PDE1C: variants seen among roughly 807,000 people sequenced by gnomAD.
The protein encoded by PDE1C is phosphodiesterase 1C.
PDE1C carries 62 observed loss-of-function variants against 93.1 expected under a neutral mutation model. The ratio of observed to expected loss-of-function variants is 0.67; its 90% CI spans 0.54 to 0.82. PDE1C has a LOEUF of 0.82. Ranked by LOEUF, PDE1C falls within the 40% of genes least tolerant of loss-of-function variation. The probability of loss-of-function intolerance (pLI) is 0.00; values close to 1 mark genes in which losing one functional copy is unlikely to be tolerated. For synonymous variants in PDE1C, 325 were observed against 310.1 expected (o/e 1.05, Z -0.50); for missense variants, 742 against 884.6 (o/e 0.84, Z 2.04).
intron 1 of PDE1C, among the ~76,000 whole-genome samples, chr7:32,347,923 AGTT>A (rs1273741068): frequency 3.9e-5 from 6 of 152,224 alleles, no homozygotes; most frequent in Non-Finnish European, 7.3e-5. Context: ...CAATAAATGT[AGTT>A]GTTTTAAACA....
the PDE1C span, among the ~76,000 whole-genome samples, chr7:31,716,954 G>A: frequency 7.7e-4 from 117 of 152,212 alleles, no homozygotes; most frequent in African/African-American, 2.8e-3. Context: ...TGAATTTGTC[G>A]AGAGGAAGCA....
At chr7:31,963,815 G>T (rs1424086301) in intron 2 of PDE1C, among the ~76,000 whole-genome samples, 5 of 152,194 alleles carry the variant, frequency 3.3e-5, no homozygotes, top group African/African-American at 4.8e-5. Flanking sequence ...GGTTATGAAA[G>T]AATTTTATAA....
At chr7:31,831,168 T>C (rs984680144) in intron 11 of PDE1C, among the ~76,000 whole-genome samples, 1 of 152,214 alleles carries the variant, frequency 6.6e-6, no homozygotes, top group Non-Finnish European at 1.5e-5. Flanking sequence ...CACAGCAATG[T>C]ATATTCTTCT....
At chr7:32,140,966 TA>T (rs1800489128) in intron 3 of PDE1C, among the ~76,000 whole-genome samples, 1 of 152,234 alleles carries the variant, frequency 6.6e-6, no homozygotes, top group African/African-American at 2.4e-5. Context: ...ACCTGTGGAA[TA>T]AAAATTTCTA....
chr7:31,702,200 C>CTTAT, the PDE1C span, among the ~76,000 whole-genome samples: 4,335 of 126,762 alleles, frequency 0.034, 232 homozygotes, highest in African/African-American at 0.13. Context: ...GCTTTTCACC[C>CTTAT]TTATTTATTT....
the PDE1C span, among the ~76,000 whole-genome samples, chr7:31,730,523 T>C: frequency 3.3e-5 from 5 of 152,174 alleles, no homozygotes; most frequent in Non-Finnish European, 7.4e-5. Context: ...ATCTGAGAAT[T>C]GCCCCTGTGC....
chr7:32,404,182 G>T (rs1369781844), intron 1 of PDE1C, among the ~76,000 whole-genome samples: 1 of 152,172 alleles, frequency 6.6e-6, no homozygotes, highest in Non-Finnish European at 1.5e-5. Context: ...AATGGGAATT[G>T]CCATGGTGGT....
the PDE1C span, chr7:31,651,349 G>A: frequency 5.5e-6 from 8 of 1,451,166 alleles, no homozygotes; most frequent in Non-Finnish European, 6.4e-6. Context: ...CAGAACAGAG[G>A]AGCACCCTGG....
the PDE1C span, among the ~76,000 whole-genome samples, chr7:31,745,896 T>G: frequency 6.6e-6 from 1 of 152,196 alleles, no homozygotes; most frequent in Non-Finnish European, 1.5e-5. Flanking sequence ...TTGCACTCAT[T>G]TGATCTCTTT....
intron 2 of PDE1C, among the ~76,000 whole-genome samples, chr7:31,914,018 T>C (rs1264316656): frequency 1.3e-5 from 2 of 152,202 alleles, no homozygotes; most frequent in African/African-American, 2.4e-5. Context: ...TGACATGCCA[T>C]ACAGTTAATC....
chr7:31,739,022 A>C, the PDE1C span, among the ~76,000 whole-genome samples: 1 of 130,366 alleles, frequency 7.7e-6, no homozygotes, highest in Non-Finnish European at 1.6e-5. Context: ...CCACATATAC[A>C]TATGCATGTA....
chr7:31,867,145 A>C (rs926662704), intron 6 of PDE1C, among the ~76,000 whole-genome samples: 1 of 152,058 alleles, frequency 6.6e-6, no homozygotes. Context: ...CCAGGGATGA[A>C]GTATGAACCA....
At chr7:32,181,062 G>C (rs1351442101) in intron 2 of PDE1C, among the ~76,000 whole-genome samples, 1 of 152,100 alleles carries the variant, frequency 6.6e-6, no homozygotes, top group Non-Finnish European at 1.5e-5. Flanking sequence ...TCTTGTATAG[G>C]TCTTAAAGGG....
At chr7:31,816,276 T>G in intron 14 of PDE1C, 122 bp from the exon 15 acceptor site, 1 of 855,518 alleles carries the variant, frequency 1.2e-6, no homozygotes, top group Non-Finnish European at 1.8e-6. Flanking sequence ...TTGGGTACAT[T>G]TTTGCTTAAT....
At chr7:31,692,916 C>G in the PDE1C span, among the ~76,000 whole-genome samples, 2 of 152,198 alleles carry the variant, frequency 1.3e-5, no homozygotes, top group Admixed American at 6.5e-5. Context: ...TTTCAAATAT[C>G]TCTCTTTGCC....
intron 2 of PDE1C, among the ~76,000 whole-genome samples, chr7:31,991,350 G>A (rs961430526): frequency 6.6e-6 from 1 of 152,196 alleles, no homozygotes. Flanking sequence ...TGGAAATGAG[G>A]TGGTAGGGAC....
At chr7:31,885,918 A>T (rs915121310) in intron 2 of PDE1C, among the ~76,000 whole-genome samples, 21 of 152,210 alleles carry the variant, frequency 1.4e-4, no homozygotes, top group African/African-American at 5.1e-4. Context: ...TCTTTTGCAC[A>T]AATAAAAATG....
rs144846678 is a variant in PDE1C at position 31,940,655 on chromosome 7, T to G, written c.129-59795A>C. On this transcript the variant is annotated intron_variant, in intron 2 of 17. Transcript: ENST00000396191. Reference sequence around the variant, plus strand: ...GAGTGATTATGAGGCAGAGCTTCCCTGAAGGGCAACAAGCCCCCTGTGTCT... The same window carrying G: ...GAGTGATTATGAGGCAGAGCTTCCCGGAAGGGCAACAAGCCCCCTGTGTCT... Among the ~76,000 whole-genome samples, 999 of 151,304 alleles carry G rather than the reference T, an allele frequency of 6.6e-3. 14 individuals are homozygous for G. The highest frequency in any genetic ancestry group is 0.023 in the African/African-American group (932 of 40,662).
At chr7:32,137,756 G>C (rs1800292086) in intron 3 of PDE1C, among the ~76,000 whole-genome samples, 1 of 152,126 alleles carries the variant, frequency 6.6e-6, no homozygotes, top group African/African-American at 2.4e-5. Context: ...TAGTGAATAG[G>C]TAAGAGAAAA....
Sources: gnomAD v4.1 joint callset for allele counts (sites outside exome capture counted in the v4.1 genomes callset) on GRCh38, gnomAD v4.1.1 for gene constraint, MANE v1.5 for transcripts, NCBI Gene and HGNC (gene_info 2026-07-23, HGNC 2026-07-21) for gene names.